SCHIP1: variants seen among roughly 807,000 people sequenced by gnomAD.
SCHIP1 encodes the protein schwannomin-interacting protein 1.
A neutral mutation model predicts 29.7 loss-of-function variants in SCHIP1; 8 were observed. The ratio of observed to expected loss-of-function variants is 0.27; its 90% CI spans 0.16 to 0.49. The LOEUF is 0.49. Among genes scored for constraint, SCHIP1 ranks in the 20% least tolerant of loss-of-function variants. The probability of loss-of-function intolerance (pLI) is 0.99; values close to 1 mark genes in which losing one functional copy is unlikely to be tolerated. For missense variants in SCHIP1, 193 were observed against 294.6 expected, an observed-to-expected ratio of 0.66 and a Z score of 2.52; for synonymous variants, 76 against 94.9, an observed-to-expected ratio of 0.80 and a Z score of 1.16.
chr3:159,775,949 C>T, the SCHIP1 span, among the ~76,000 whole-genome samples: 39 of 152,290 alleles, frequency 2.6e-4, no homozygotes, highest in East Asian at 7.3e-3. Flanking sequence ...AGAAAAGCTG[C>T]TGTGCTCTGA....
the SCHIP1 span, among the ~76,000 whole-genome samples, chr3:159,501,135 G>T: frequency 6.6e-6 from 1 of 152,140 alleles, no homozygotes; most frequent in African/African-American, 2.4e-5. Context: ...CACTTGAGCT[G>T]GGAAAGAAGC....
At chr3:159,569,205 A>C in the SCHIP1 span, among the ~76,000 whole-genome samples, 4 of 152,094 alleles carry the variant, frequency 2.6e-5, no homozygotes, top group African/African-American at 9.7e-5. Context: ...TCTAGGGTAC[A>C]TGTGCACAAT....
chr3:159,384,913 T>G, the SCHIP1 span, among the ~76,000 whole-genome samples: 1 of 152,210 alleles, frequency 6.6e-6, no homozygotes, highest in Non-Finnish European at 1.5e-5. Context: ...GTTTGTAATA[T>G]TCTCTGATGG....
At chr3:159,543,120 T>C in the SCHIP1 span, among the ~76,000 whole-genome samples, 1 of 14,294 alleles carries the variant, frequency 7.0e-5, no homozygotes, top group South Asian at 2.8e-3. Context: ...CATGTGTGTA[T>C]ATATATATAT....
the SCHIP1 span, among the ~76,000 whole-genome samples, chr3:159,662,424 T>C: frequency 6.6e-6 from 1 of 152,196 alleles, no homozygotes; most frequent in Non-Finnish European, 1.5e-5. Context: ...TCTAACAACA[T>C]GGAGACAATT....
chr3:159,669,871 G>C, the SCHIP1 span, among the ~76,000 whole-genome samples: 1 of 152,136 alleles, frequency 6.6e-6, no homozygotes, highest in Non-Finnish European at 1.5e-5. Context: ...GTGATGAATC[G>C]TTTTTCAAGT....
the SCHIP1 span, among the ~76,000 whole-genome samples, chr3:159,351,586 ATTT>A: frequency 2.0e-5 from 3 of 152,030 alleles, no homozygotes; most frequent in Non-Finnish European, 4.4e-5. Flanking sequence ...TTATTTTAAA[ATTT>A]TTATTTTAGT....
chr3:159,830,732 C>T, the SCHIP1 span, among the ~76,000 whole-genome samples: 78 of 152,268 alleles, frequency 5.1e-4, no homozygotes, highest in African/African-American at 1.7e-3. Flanking sequence ...ATGACCTTGA[C>T]GCAATAGTAG....
At chr3:159,433,896 C>T in the SCHIP1 span, among the ~76,000 whole-genome samples, 1 of 152,120 alleles carries the variant, frequency 6.6e-6, no homozygotes, top group Non-Finnish European at 1.5e-5. Context: ...GACTGATAAA[C>T]ACCTGTCCCC....
the SCHIP1 span, among the ~76,000 whole-genome samples, chr3:159,828,452 C>CGTATATATACGTATATATAT: frequency 8.6e-6 from 1 of 116,944 alleles, no homozygotes; most frequent in African/African-American, 3.5e-5. Context: ...TATATATATA[C>CGTATATATACGTATATATAT]GTATATATAT....
chr3:159,529,957 A>G, the SCHIP1 span, among the ~76,000 whole-genome samples: 1 of 152,238 alleles, frequency 6.6e-6, no homozygotes, highest in Admixed American at 6.5e-5. Context: ...GAGGCTGAAT[A>G]GTATTCTATT....
chr3:159,764,303 G>A, the SCHIP1 span: 3 of 1,021,810 alleles, frequency 2.9e-6, no homozygotes, highest in Non-Finnish European at 4.1e-6. This position sits in a 1 kb window ranked among gnomAD's most constrained non-coding sequence, Gnocchi z 6.1. Flanking sequence ...GCTGGCTCCC[G>A]CCCCCAGGCC....
At chr3:159,604,113 A>G in the SCHIP1 span, among the ~76,000 whole-genome samples, 2 of 152,330 alleles carry the variant, frequency 1.3e-5, no homozygotes, top group South Asian at 4.1e-4. Context: ...CCCATGATCT[A>G]GTACAGGGTT....
chr3:159,586,728 G>T, the SCHIP1 span, among the ~76,000 whole-genome samples: 2 of 152,078 alleles, frequency 1.3e-5, no homozygotes, highest in Non-Finnish European at 2.9e-5. Flanking sequence ...TAGGCCTGAG[G>T]ATGGTCCAGG....
the SCHIP1 span, among the ~76,000 whole-genome samples, chr3:159,631,026 G>A: frequency 6.6e-6 from 1 of 152,034 alleles, no homozygotes; most frequent in African/African-American, 2.4e-5. Context: ...AATTTGAAAA[G>A]ATATCTATCC....
At chr3:159,623,725 G>A in the SCHIP1 span, among the ~76,000 whole-genome samples, 1 of 152,150 alleles carries the variant, frequency 6.6e-6, no homozygotes, top group Non-Finnish European at 1.5e-5. Flanking sequence ...AGGCTGTAGG[G>A]TACTTGTATA....
At chr3:159,742,509 A>AT in the SCHIP1 span, among the ~76,000 whole-genome samples, 2,617 of 151,586 alleles carry the variant, frequency 0.017, 72 homozygotes, top group African/African-American at 0.06. Flanking sequence ...ACTTATTTTT[A>AT]TTTTTTTTGC....
At chr3:159,673,807 T>C in the SCHIP1 span, among the ~76,000 whole-genome samples, 1 of 152,032 alleles carries the variant, frequency 6.6e-6, no homozygotes, top group African/African-American at 2.4e-5. Context: ...ACAAAAAACA[T>C]GTGCAGCCTC....
At chr3:159,659,371 T>C in the SCHIP1 span, among the ~76,000 whole-genome samples, 1 of 152,302 alleles carries the variant, frequency 6.6e-6, no homozygotes, top group Non-Finnish European at 1.5e-5. Flanking sequence ...CAAGGCTCAC[T>C]AGAGAAGGAA....
Sources: gnomAD v4.1 joint callset for allele counts (sites outside exome capture counted in the v4.1 genomes callset) on GRCh38, gnomAD v4.1.1 for gene constraint, Gnocchi (gnomAD v3.1) non-coding constraint, MANE v1.5 for transcripts, NCBI Gene and HGNC (gene_info 2026-07-23, HGNC 2026-07-21) for gene names.